TSR3: variants seen among roughly 807,000 people sequenced by gnomAD.
TSR3 encodes TSR3 ribosome maturation factor.
In TSR3, 31 loss-of-function variants were observed where a neutral mutation model predicts 28.1. That is an observed-to-expected ratio of 1.10 (90% confidence interval 0.83 to 1.49). The LOEUF (loss-of-function observed/expected upper bound fraction) is 1.49, where lower values mean the gene tolerates loss of function less well. TSR3 is among the 40% of genes most tolerant of loss of function. The pLI is 0.00. For missense variants in TSR3, 511 were observed against 444.0 expected, an observed-to-expected ratio of 1.15 and a Z score of -1.36; for synonymous variants, 219 against 197.2, an observed-to-expected ratio of 1.11 and a Z score of -0.93.
At chr16:1,351,306 G>T in intron 2 of TSR3, 73 bp downstream of exon 2, 1 of 1,445,406 alleles carries the variant, frequency 6.9e-7, no homozygotes, top group Non-Finnish European at 9.2e-7. Flanking sequence ...ACATACAAGT[G>T]CCACTAAACC....
At chr16:1,350,664 G>A in intron 3 of TSR3, 143 bp downstream of exon 3, 2 of 965,882 alleles carry the variant, frequency 2.1e-6, no homozygotes, top group Non-Finnish European at 3.1e-6. Context: ...GACAGTTGGG[G>A]CTGGAACCGT....
rs200823810 is a variant in TSR3, at chr16:1,350,906, G to C, written c.427C>G (p.Arg143Gly). ...GCGGCCACCAGGTAGGGCAACAGGCGCAAGTGGCTCCCTCGCATCTTCCCA... is the reference window on the plus strand; with the variant it reads ...GCGGCCACCAGGTAGGGCAACAGGCCCAAGTGGCTCCCTCGCATCTTCCCA... Reference protein sequence around the residue: ...PFGKMRGSHLRLLPYLVAANP... With the variant: ...PFGKMRGSHLGLLPYLVAANP... The change falls in exon 3 of 6, where the codon CGC (arginine) becomes GGC (glycine). Residue 143 changes from arginine (R) to glycine (G), a missense_variant. Transcript: ENST00000007390. 7 of 1,612,994 alleles carry C rather than the reference G, an allele frequency of 4.3e-6. No homozygotes were observed. Among genetic ancestry groups the C allele is most frequent in the South Asian group, 1.1e-5 (1 of 91,082 alleles).
In TSR3 at chr16:1,351,613, GA is replaced by G; in HGVS notation, c.113-16del. The G allele has an allele frequency of 6.8e-7, 1 of 1,465,602 alleles. No individual in the cohort carries two copies. Among genetic ancestry groups the G allele is most frequent in the Non-Finnish European group, 8.9e-7 (1 of 1,118,142 alleles). The allele number at this position is 1,465,602 out of a possible 1,614,324, so 90.8% of individuals were successfully genotyped here. A position where few individuals can be genotyped will look rare whatever the true frequency, so the allele number is the denominator to read the frequency against. ...CTCCACGGAAGCTGCACGAGAGAGA[GA>G]AGGGCACTCGGCCTCAGCGTGGGAC... is the stretch of plus-strand genomic sequence containing the variant. On this transcript the variant is annotated splice_polypyrimidine_tract_variant and intron_variant, in intron 1 of 5. Coordinates refer to ENST00000007390, the MANE Select transcript of TSR3 (RefSeq NM_001001410.3).
intron 5 of TSR3, 95 bp downstream of exon 5, chr16:1,349,794 T>C (rs898902102): frequency 2.7e-6 from 4 of 1,499,980 alleles, no homozygotes; most frequent in Non-Finnish European, 3.7e-6. Flanking sequence ...GGGTGTTGTT[T>C]ACAACACCAC....
In TSR3 at chr16:1,349,391, A is replaced by G. The variant is rs770111431; in HGVS notation, c.*46T>C. ...GCCCATTTATGTCCCTCATGTCTCT[A>G]GATTTTCTCGTCACCCAGCCTCAAA... On this transcript the variant is annotated 3_prime_UTR_variant, in exon 6 of 6. Coordinates refer to ENST00000007390, the MANE Select transcript of TSR3 (RefSeq NM_001001410.3). 2 of 1,608,764 alleles carry G rather than the reference A, an allele frequency of 1.2e-6. No individual in the cohort carries two copies.
In TSR3 at chr16:1,351,418, A is replaced by C; in HGVS notation, c.293T>G (p.Leu98Arg). 6.3e-7 allele frequency: 1 copy of C among 1,595,728 alleles called. No individual in the cohort carries two copies. Among genetic ancestry groups the C allele is most frequent in the Non-Finnish European group, 8.5e-7 (1 of 1,178,852 alleles). Residue 98 changes from leucine (L) to arginine (R), a missense_variant, in exon 2 of 6, where the codon CTG becomes CGG. Transcript: ENST00000007390. ...CGCGTACTGCTTGCCCACGGGGCTC[A>C]GCACCAGACCGCCGAATCTGTGGCC... is the stretch of plus-strand genomic sequence containing the variant. ...RLGHRFGGLV[L>R]SPVGKQYASP...
intron 2 of TSR3, 84 bp downstream of exon 2, chr16:1,351,295 G>T: frequency 1.4e-6 from 2 of 1,390,806 alleles, no homozygotes; most frequent in South Asian, 1.4e-5. Flanking sequence ...ATGTGGGTGC[G>T]ACATACAAGT....
Position 1,349,342 on chromosome 16 carries a change from G to A in TSR3, c.*95C>T, listed in dbSNP as rs777026212. On this transcript the variant is annotated 3_prime_UTR_variant, in exon 6 of 6. Transcript: ENST00000007390. ...CCCGGACAGCTCAGTCCTGCCAGCA[G>A]CCGCAAAGAGCCGAGGCTGCCAGGC... The A allele has an allele frequency of 2.1e-6, 3 of 1,406,126 alleles. No individual in the cohort carries two copies. In the South Asian group the frequency reaches 3.5e-5, roughly 16 times the overall value. 87.1% of individuals were successfully genotyped at this position (1,406,126 alleles called of 1,614,324 possible). A position where few individuals can be genotyped will look rare whatever the true frequency, so the allele number is the denominator to read the frequency against.
At chr16:1,350,361 C>T (rs1260088994) in intron 3 of TSR3, 127 bp from the exon 4 acceptor site, 6 of 1,070,762 alleles carry the variant, frequency 5.6e-6, no homozygotes, top group Admixed American at 2.8e-5. Context: ...CATCAGCTCA[C>T]AGTCCTGAGA....
intron 5 of TSR3, 79 bp downstream of exon 5, chr16:1,349,810 G>C: frequency 2.6e-6 from 4 of 1,555,754 alleles, no homozygotes; most frequent in Non-Finnish European, 3.5e-6. Context: ...ACCACCCCCA[G>C]GCAGCAGGAA....
chr16:1,350,315 G>A (rs980834982), intron 3 of TSR3, 81 bp from the exon 4 acceptor site: 38 of 1,430,620 alleles, frequency 2.7e-5, no homozygotes, highest in Middle Eastern at 2.4e-4. Context: ...GCCGGATGGC[G>A]GCGCTCTCCC....
At position 1,351,599 on chromosome 16, in the gene TSR3, C is replaced by G; in HGVS notation, c.113-1G>C. 2 of 1,474,878 alleles carry G rather than the reference C, an allele frequency of 1.4e-6. No individual in the cohort carries two copies. The highest frequency in any genetic ancestry group is 1.8e-6 in the Non-Finnish European group (2 of 1,121,802). 91.4% of individuals were successfully genotyped at this position (1,474,878 alleles called of 1,614,324 possible). A position where few individuals can be genotyped will look rare whatever the true frequency, so the allele number is the denominator to read the frequency against. On this transcript the variant is annotated splice_acceptor_variant, in intron 1 of 5. Transcript: ENST00000007390. LOFTEE classifies it high-confidence loss of function. ...TCAGCCGCCCCTGGCTCCACGGAAG[C>G]TGCACGAGAGAGAGAAGGGCACTCG...
Position 1,349,954 on chromosome 16 carries a change from T to C in TSR3, c.704-2A>G, listed in dbSNP as rs1419268747. ...TCCCTGAATCCACATCGAAGGGATC[T>C]GAGCCGAGAGAGGAAAGTGGCCTCT... On this transcript the variant is annotated splice_acceptor_variant, in intron 4 of 5. Coordinates refer to ENST00000007390, the MANE Select transcript of TSR3 (RefSeq NM_001001410.3). LOFTEE classifies it high-confidence loss of function. 30 of 1,613,352 alleles carry C rather than the reference T, an allele frequency of 1.9e-5. No individual in the cohort carries two copies. Among genetic ancestry groups the C allele is most frequent in the African/African-American group, 2.7e-5 (2 of 74,910 alleles).
chr16:1,350,874 G>A lies in TSR3; in HGVS notation c.459C>T (p.Pro153=), dbSNP rs551562119. 47 of 1,613,050 alleles carry A rather than the reference G, an allele frequency of 2.9e-5. No individual in the cohort carries two copies. The East Asian group carries it at 7.1e-4, about 24-fold the overall frequency. The change falls in exon 3 of 6, where the codon CCC becomes CCT. Residue 153 remains proline, a synonymous_variant. Transcript: ENST00000007390. ...GTCTGTAGGGCCGGCCATAGTTCAC[G>A]GGGTTGGCGGCCACCAGGTAGGGCA... ...RLLPYLVAAN[P]VNYGRPYRLS...
rs1308558472 is a variant in TSR3, at chr16:1,350,154, C to CCAGG, written c.603_606dup (p.Asp203ProfsTer61). The CCAGG allele has an allele frequency of 6.2e-7, 1 of 1,612,164 alleles. No individual in the cohort carries two copies. The highest frequency in any genetic ancestry group is 1.1e-5 in the South Asian group (1 of 91,068). On this transcript the variant is annotated frameshift_variant, in exon 4 of 6. Transcript: ENST00000007390. LOFTEE classifies it high-confidence loss of function. ...GGGCTGCCGCAGGCCGCGTACTTGT[C>CCAGG]CAGGAGCTGGCGGTTCAGGTCCAAG...
chr16:1,351,798 G>C lies in TSR3; in HGVS notation c.7C>G (p.Arg3Gly). Reference protein sequence around the residue: MGRRRAARGPGAE... With the variant: MGGRRAARGPGAE... Reference sequence around the variant, plus strand: ...CCCGGCCCGCGCGCTGCCCTCCTGCGGCCCATGGCGCGGACCTGGGGTGCC... The same window carrying C: ...CCCGGCCCGCGCGCTGCCCTCCTGCCGCCCATGGCGCGGACCTGGGGTGCC... The change falls in exon 1 of 6, where the codon CGC becomes GGC. Residue 3 changes from arginine to glycine, a missense_variant. By Grantham distance (125) the Arg-to-Gly change is moderately radical. Coordinates refer to ENST00000007390, the MANE Select transcript of TSR3 (RefSeq NM_001001410.3). 2.3e-6 allele frequency: 3 copies of C among 1,327,426 alleles called. No homozygotes were observed. The South Asian group carries it at 6.0e-5, about 26-fold the overall frequency. 82.2% of individuals were successfully genotyped at this position (1,327,426 alleles called of 1,614,324 possible).
intron 3 of TSR3, 109 bp downstream of exon 3, chr16:1,350,698 T>C: frequency 7.7e-7 from 1 of 1,304,870 alleles, no homozygotes; most frequent in Admixed American, 2.0e-5. Context: ...TGTTCCCCTG[T>C]CCGTCCCTTA....
chr16:1,349,417 AAT>A lies in TSR3; in HGVS notation c.*18_*19del, dbSNP rs776759433. The A allele has an allele frequency of 7.4e-6, 12 of 1,613,484 alleles. 1 individual carries two copies. Among genetic ancestry groups the A allele is most frequent in the South Asian group, 4.4e-5 (4 of 91,028 alleles). On this transcript the variant is annotated 3_prime_UTR_variant, in exon 6 of 6. Transcript: ENST00000007390. ...GATTTTCTCGTCACCCAGCCTCAAA[AAT>A]ATATGTGTCTGCAACCCTCAGTCTC...
At position 1,351,364 on chromosome 16, in the gene TSR3, G is replaced by C. The variant is rs771248944; in HGVS notation, c.332+15C>G. On this transcript the variant is annotated intron_variant, in intron 2 of 5. Transcript: ENST00000007390. ...TGGAAATGAAGACGACCTCGGGCAG[G>C]CCTCCCGCGCCTACCTGTCTGCGGG... 4.5e-6 allele frequency: 7 copies of C among 1,569,062 alleles called. No individual in the cohort carries two copies. The highest frequency in any genetic ancestry group is 6.0e-6 in the Non-Finnish European group (7 of 1,165,864).
Sources: allele counts gnomAD v4.1 joint callset, GRCh38; gene constraint gnomAD v4.1.1; transcripts MANE v1.5; gene names NCBI Gene and HGNC (gene_info 2026-07-23, HGNC 2026-07-21).